DNAH8: variants seen among roughly 807,000 people sequenced by gnomAD.
The protein encoded by DNAH8 is axonemal beta dynein heavy chain 8.
DNAH8 carries 382 observed loss-of-function variants against 562.1 expected under a neutral mutation model. The ratio of observed to expected loss-of-function variants is 0.68; its 90% confidence interval spans 0.63 to 0.74. The LOEUF is 0.74. DNAH8 is among the 30% of genes least tolerant of loss of function. DNAH8 has a pLI of 0.00. For synonymous variants in DNAH8, 1,881 were observed against 1,919.4 expected, an observed-to-expected ratio of 0.98 and a Z score of 0.52; for missense variants, 5,203 against 5,620.4, an observed-to-expected ratio of 0.93 and a Z score of 2.37.
intron 7 of DNAH8, 30 bp from the exon 8 acceptor site, chr6:38,741,681 T>G: frequency 6.5e-7 from 1 of 1,546,992 alleles, no homozygotes; most frequent in Non-Finnish European, 8.7e-7. Context: ...ATGTAACATT[T>G]CTATATTTTA....
intron 36 of DNAH8, among the ~76,000 whole-genome samples, chr6:38,847,805 C>T (rs1775417079): frequency 6.6e-6 from 1 of 152,200 alleles, no homozygotes; most frequent in Non-Finnish European, 1.5e-5. Context: ...GGTTTTTACC[C>T]AGTAGCCTCC....
chr6:38,893,969 G>T (rs1235633977), intron 58 of DNAH8, among the ~76,000 whole-genome samples: 1 of 152,132 alleles, frequency 6.6e-6, no homozygotes, highest in African/African-American at 2.4e-5. Context: ...ATCTCTCTGG[G>T]TAAGAATGTG....
chr6:38,782,940 C>T, intron 16 of DNAH8, 64 bp from the exon 17 acceptor site: 1 of 1,424,586 alleles, frequency 7.0e-7, no homozygotes, highest in Non-Finnish European at 9.7e-7. Flanking sequence ...TAAGTACTTT[C>T]ATTATTTGGA....
At chr6:38,889,833 C>T (rs1430443829) in intron 57 of DNAH8, among the ~76,000 whole-genome samples, 3 of 152,162 alleles carry the variant, frequency 2.0e-5, no homozygotes, top group Admixed American at 6.5e-5. Context: ...TGTGAACAAA[C>T]TCCAGTTTCT....
At chr6:38,733,277 A>C (rs77214979) in intron 4 of DNAH8, among the ~76,000 whole-genome samples, 38,376 of 151,836 alleles carry the variant, frequency 0.25, 5,784 homozygotes, top group Non-Finnish European at 0.35. Context: ...TATTGTGACC[A>C]ACTATCTAAC....
chr6:38,755,592 C>A (rs1765838496), intron 9 of DNAH8, among the ~76,000 whole-genome samples: 1 of 152,116 alleles, frequency 6.6e-6, no homozygotes, highest in South Asian at 2.1e-4. Context: ...TCACTTTACC[C>A]CTCAAGGTAT....
chr6:38,839,362 T>G (rs201524837), intron 33 of DNAH8, among the ~76,000 whole-genome samples: 3 of 135,968 alleles, frequency 2.2e-5, no homozygotes, highest in Non-Finnish European at 3.1e-5. Context: ...GAAGTTTTTT[T>G]TTTGTTTGTT....
At chr6:38,732,789 A>G (rs1321887603) in intron 4 of DNAH8, among the ~76,000 whole-genome samples, 1 of 152,246 alleles carries the variant, frequency 6.6e-6, no homozygotes, top group African/African-American at 2.4e-5. Context: ...CGTATCCTCC[A>G]GAATCACAGG....
chr6:38,787,935 A>T (rs904933775), intron 18 of DNAH8, among the ~76,000 whole-genome samples: 9 of 152,006 alleles, frequency 5.9e-5, no homozygotes, highest in Admixed American at 2.6e-4. Context: ...AGGAAAATAT[A>T]TAAATGCAAG....
chr6:38,723,937 A>T (rs1762983155), intron 3 of DNAH8, among the ~76,000 whole-genome samples: 1 of 151,830 alleles, frequency 6.6e-6, no homozygotes, highest in African/African-American at 2.4e-5. Context: ...AGTTTATATA[A>T]TTATAGCCAG....
chr6:38,818,958 T>C (rs895812707), intron 26 of DNAH8, among the ~76,000 whole-genome samples: 4 of 152,238 alleles, frequency 2.6e-5, no homozygotes, highest in Non-Finnish European at 4.4e-5. Flanking sequence ...ATTAGCTCAC[T>C]ATCCTGGCCA....
chr6:38,909,627 C>G lies in DNAH8; in HGVS notation c.9623C>G (p.Ser3208Cys). 1.2e-6 allele frequency: 2 copies of G among 1,614,152 alleles called. No individual in the cohort carries two copies. Among genetic ancestry groups the G allele is most frequent in the Non-Finnish European group, 1.7e-6 (2 of 1,180,012 alleles). Residue 3208 changes from serine to cysteine, a missense_variant, in exon 65 of 93, where the codon TCC (serine) becomes TGC (cysteine). Ser to Cys is a moderately radical substitution (Grantham distance 112). Transcript: ENST00000327475. ...AGGGAGGCTCTGATTGCTGTGGCCT[C>G]CTACTTCCTTTCAGACTATAATATT... ...WPREALIAVA[S>C]YFLSDYNIVC...
intron 17 of DNAH8, among the ~76,000 whole-genome samples, chr6:38,783,529 C>A (rs530371094): frequency 3.9e-5 from 6 of 152,238 alleles, no homozygotes; most frequent in Admixed American, 2.6e-4. Flanking sequence ...TCCCTGCTTC[C>A]CTTCCTTCCT....
At chr6:39,020,821 A>G (rs1766868339) in intron 91 of DNAH8, among the ~76,000 whole-genome samples, 1 of 152,160 alleles carries the variant, frequency 6.6e-6, no homozygotes, top group Admixed American at 6.5e-5. Flanking sequence ...TTCCAGCTTC[A>G]TTCATGTCCC....
intron 28 of DNAH8, 37 bp from the exon 29 acceptor site, chr6:38,826,113 ATGCCAG>A (rs1305226786): frequency 7.4e-6 from 10 of 1,353,502 alleles, no homozygotes; most frequent in Non-Finnish European, 9.1e-6. Flanking sequence ...TAGTTTCAGA[ATGCCAG>A]TTATATTCTA....
intron 12 of DNAH8, 53 bp from the exon 13 acceptor site, chr6:38,775,701 G>C: frequency 9.1e-7 from 1 of 1,095,078 alleles, no homozygotes; most frequent in Non-Finnish European, 1.3e-6. Context: ...TTATTTTAGG[G>C]AAGTTGCCTG....
rs1450229062 is a variant in DNAH8, at chr6:38,832,424, G to T, written c.4291G>T (p.Ala1431Ser). 6.3e-7 allele frequency: 1 copy of T among 1,587,196 alleles called. No homozygotes were observed. The highest frequency in any genetic ancestry group is 8.6e-7 in the Non-Finnish European group (1 of 1,156,086). ...FREDVINFAE[A>S]YELEGPMVPN... is the part of the protein sequence containing the mutation. Reference sequence around the variant, plus strand: ...TGAGGACGTGATAAACTTTGCAGAAGCATATGAATTGGTAATTTAAGTATT... The same window carrying T: ...TGAGGACGTGATAAACTTTGCAGAATCATATGAATTGGTAATTTAAGTATT... Residue 1431 changes from alanine to serine, a missense_variant, in exon 31 of 93, where the codon GCA (alanine) becomes TCA (serine). Physicochemically the swap from Ala to Ser is moderately conservative, Grantham distance 99 (BLOSUM62 1). Coordinates refer to ENST00000327475, the MANE Select transcript of DNAH8 (RefSeq NM_001206927.2).
chr6:38,757,358 T>G (rs1434229377), intron 10 of DNAH8, among the ~76,000 whole-genome samples: 3 of 151,930 alleles, frequency 2.0e-5, no homozygotes, highest in African/African-American at 7.3e-5. Context: ...GCCCACTTTT[T>G]GATGGGGTTG....
intron 88 of DNAH8, among the ~76,000 whole-genome samples, chr6:39,004,473 C>T (rs1265594571): frequency 6.6e-6 from 1 of 152,164 alleles, no homozygotes; most frequent in Non-Finnish European, 1.5e-5. Context: ...ATGAGGGGGA[C>T]ATTCTTTTAT....
Sources: allele counts gnomAD v4.1 joint callset (sites outside exome capture counted in the v4.1 genomes callset), GRCh38; gene constraint gnomAD v4.1.1; transcripts MANE v1.5; gene names NCBI Gene and HGNC (gene_info 2026-07-23, HGNC 2026-07-21).